TMOD3: variants seen among roughly 807,000 people sequenced by gnomAD.
TMOD3 encodes the protein tropomodulin-3.
In TMOD3, 20 loss-of-function variants were observed where a neutral mutation model predicts 39.2. The ratio of observed to expected loss-of-function variants is 0.51; its 90% CI spans 0.36 to 0.74. TMOD3 has a LOEUF of 0.74. Ranked by LOEUF, TMOD3 falls within the 30% of genes least tolerant of loss-of-function variation. TMOD3 has a pLI of 0.00. For missense variants in TMOD3, 381 were observed against 412.8 expected, an observed-to-expected ratio of 0.92 and a Z score of 0.67; for synonymous variants, 143 against 145.8, an observed-to-expected ratio of 0.98 and a Z score of 0.14.
At chr15:51,878,971 T>G (rs1191143379) in intron 3 of TMOD3, among the ~76,000 whole-genome samples, 1 of 152,206 alleles carries the variant, frequency 6.6e-6, no homozygotes, top group Admixed American at 6.5e-5. Context: ...GAGCTATGAC[T>G]AAGATAATTC....
At chr15:51,889,994 C>A (rs559730905) in intron 5 of TMOD3, among the ~76,000 whole-genome samples, 1 of 152,284 alleles carries the variant, frequency 6.6e-6, no homozygotes, top group South Asian at 2.1e-4. Context: ...ATCATGCCCT[C>A]TACTTCCCCA....
chr15:51,885,284 CTTTTTTT>C (rs67378569), intron 3 of TMOD3, among the ~76,000 whole-genome samples: 3 of 126,978 alleles, frequency 2.4e-5, no homozygotes, highest in South Asian at 5.2e-4. Flanking sequence ...TTTCTTTTTT[CTTTTTTT>C]TTTTTTTTTT....
intron 5 of TMOD3, among the ~76,000 whole-genome samples, chr15:51,892,136 G>A (rs1382643170): frequency 6.6e-6 from 1 of 152,164 alleles, no homozygotes; most frequent in African/African-American, 2.4e-5. Context: ...GATAATCAGT[G>A]CACCCTGTCT....
At chr15:51,888,439 G>A (rs1286211458) in intron 4 of TMOD3, among the ~76,000 whole-genome samples, 1 of 152,176 alleles carries the variant, frequency 6.6e-6, no homozygotes, top group Non-Finnish European at 1.5e-5. Context: ...TGACAGATCT[G>A]TAAACAGTAC....
Position 51,849,503 on chromosome 15 carries a change from TGAAGATGAG to T in TMOD3, c.-74-13296_-74-13288del, listed in dbSNP as rs956216729. Among the ~76,000 whole-genome samples the T allele has an allele frequency of 1.9e-4, 29 of 152,142 alleles. 1 individual carries two copies. In the East Asian group the frequency reaches 3.7e-3, roughly 19 times the overall value. The stretch of plus-strand genomic sequence containing the variant: ...TAAGTACTGGGGGCACTCCAACATT[TGAAGATGAG>T]GAAGATGAGGAGGAACCAGCAGAGG... On this transcript the variant is annotated intron_variant, in intron 1 of 9. Transcript: ENST00000308580.
chr15:51,888,613 T>C (rs2056577354), intron 4 of TMOD3, among the ~76,000 whole-genome samples: 1 of 152,242 alleles, frequency 6.6e-6, no homozygotes, highest in Non-Finnish European at 1.5e-5. Context: ...TATTCTACTC[T>C]TAACTACAGT....
At chr15:51,876,555 G>C (rs1043211285) in intron 3 of TMOD3, among the ~76,000 whole-genome samples, 1 of 150,642 alleles carries the variant, frequency 6.6e-6, no homozygotes, top group African/African-American at 2.4e-5. Flanking sequence ...TCCACCCCCT[G>C]GGTTCATGCC....
rs961418820 is a variant in TMOD3, at chr15:51,914,254, C to T, written c.*5444C>T. The T allele has an allele frequency of 5.3e-5, 8 of 152,098 alleles. No individual in the cohort carries two copies. The highest frequency in any genetic ancestry group is 1.9e-4 in the African/African-American group (8 of 41,396). 9.4% of individuals were successfully genotyped at this position (152,098 alleles called of 1,614,324 possible). A position where few individuals can be genotyped will look rare whatever the true frequency, so the allele number is the denominator to read the frequency against. ...GAGCTTTGATCATGCCACTGCATTC[C>T]AGCCTGGGTAACAAGAGTGAGACTG... On this transcript the variant is annotated 3_prime_UTR_variant, in exon 10 of 10. Coordinates refer to ENST00000308580, the MANE Select transcript of TMOD3 (RefSeq NM_014547.5).
chr15:51,859,879 C>T, intron 1 of TMOD3: 10 of 533,484 alleles, frequency 1.9e-5, no homozygotes, highest in South Asian at 1.4e-4. Flanking sequence ...GGAATTCTGG[C>T]AGAAGCTTGA....
chr15:51,851,596 T>G (rs986159108), intron 1 of TMOD3, among the ~76,000 whole-genome samples: 1 of 152,134 alleles, frequency 6.6e-6, no homozygotes, highest in African/African-American at 2.4e-5. Context: ...CAAAACAGAT[T>G]ACGATGAAAA....
intron 6 of TMOD3, among the ~76,000 whole-genome samples, chr15:51,895,246 T>C (rs752321955): frequency 1.6e-4 from 24 of 151,114 alleles, no homozygotes; most frequent in Non-Finnish European, 3.2e-4. Context: ...AGACAGAGTC[T>C]TGCTCTGTTG....
chr15:51,847,567 T>C (rs1199708717), intron 1 of TMOD3, among the ~76,000 whole-genome samples: 1 of 152,184 alleles, frequency 6.6e-6, no homozygotes, highest in Non-Finnish European at 1.5e-5. Context: ...AGCTTCATTA[T>C]ATAGAAGAAT....
At chr15:51,844,970 A>C (rs2056328714) in intron 1 of TMOD3, among the ~76,000 whole-genome samples, 1 of 152,128 alleles carries the variant, frequency 6.6e-6, no homozygotes, top group African/African-American at 2.4e-5. Context: ...TTGTTTTTCA[A>C]GTCACTTTCC....
chr15:51,855,653 A>C (rs1399261286), intron 1 of TMOD3, among the ~76,000 whole-genome samples: 2 of 152,362 alleles, frequency 1.3e-5, no homozygotes, highest in East Asian at 3.9e-4. Flanking sequence ...AGAGATTAAA[A>C]GTTTCTGTAG....
intron 9 of TMOD3, among the ~76,000 whole-genome samples, chr15:51,902,557 G>A (rs1298853942): frequency 2.6e-5 from 4 of 151,754 alleles, no homozygotes; most frequent in African/African-American, 9.7e-5. Context: ...TGCAACCTCC[G>A]CCTCCCAGGT....
intron 9 of TMOD3, among the ~76,000 whole-genome samples, chr15:51,907,890 T>C (rs1028065046): frequency 1.3e-5 from 2 of 152,218 alleles, no homozygotes; most frequent in Non-Finnish European, 2.9e-5. Flanking sequence ...TGTACCGTTC[T>C]TTGCTGTAAA....
In TMOD3 at chr15:51,893,795, C is replaced by G. The variant is rs748579062; in HGVS notation, c.497-20C>G. The G allele has an allele frequency of 1.0e-5, 15 of 1,486,010 alleles. No individual in the cohort carries two copies. The highest frequency in any genetic ancestry group is 8.6e-5 in the South Asian group (6 of 69,420). 92.1% of individuals were successfully genotyped at this position (1,486,010 alleles called of 1,614,324 possible). On this transcript the variant is annotated intron_variant, in intron 5 of 9. Coordinates refer to ENST00000308580, the MANE Select transcript of TMOD3 (RefSeq NM_014547.5). The stretch of plus-strand genomic sequence containing the variant: ...AAAAAAAATGGTATCAAATCCTGCT[C>G]TTTTCATTTATCACTGCAGATGTGG...
At chr15:51,903,425 C>G (rs776587322) in intron 9 of TMOD3, among the ~76,000 whole-genome samples, 1 of 152,212 alleles carries the variant, frequency 6.6e-6, no homozygotes, top group Non-Finnish European at 1.5e-5. Context: ...TGTTGCCATT[C>G]TCTTAAGCTT....
intron 1 of TMOD3, among the ~76,000 whole-genome samples, chr15:51,847,853 G>T (rs1030804711): frequency 6.6e-6 from 1 of 152,184 alleles, no homozygotes; most frequent in African/African-American, 2.4e-5. Flanking sequence ...TGAGCGTGGT[G>T]GGTATTGCTA....
Sources: gnomAD v4.1 joint callset for allele counts (sites outside exome capture counted in the v4.1 genomes callset) on GRCh38, gnomAD v4.1.1 for gene constraint, MANE v1.5 for transcripts, NCBI Gene and HGNC (gene_info 2026-07-23, HGNC 2026-07-21) for gene names.